Variants in ASMTL observed in about 807,000 individuals in gnomAD.
ASMTL encodes probable bifunctional dTTP/UTP pyrophosphatase/methyltransferase protein.
ASMTL carries 57 observed loss-of-function variants against 60.3 expected under a neutral mutation model. The ratio of observed to expected loss-of-function variants is 0.95; its 90% CI spans 0.76 to 1.18. The LOEUF (loss-of-function observed/expected upper bound fraction) is 1.18. Ranked by LOEUF, ASMTL falls within the 50% of genes most tolerant of loss-of-function variation. ASMTL has a pLI of 0.00. For missense variants in ASMTL, 981 were observed against 852.6 expected (o/e 1.15, Z -1.88); for synonymous variants, 419 against 373.0 (o/e 1.12, Z -1.42).
intron 12 of ASMTL, 91 bp from the exon 13 acceptor site, chrX:1,403,580 A>C (rs57705296): frequency 1.6e-6 from 2 of 1,220,980 alleles, no homozygotes; most frequent in African/African-American, 3.0e-5. Flanking sequence ...ACAGGAGCTC[A>C]GAACGGTGAG....
At chrX:1,450,561 C>A (rs764030671) in intron 1 of ASMTL, among the ~76,000 whole-genome samples, 19 of 135,322 alleles carry the variant, frequency 1.4e-4, no homozygotes, top group African/African-American at 5.3e-4. Context: ...CTGGGTCACT[C>A]TCCCCTCCCC....
chrX:1,448,831 G>A (rs778666948), intron 1 of ASMTL, among the ~76,000 whole-genome samples: 1 of 151,702 alleles, frequency 6.6e-6, no homozygotes, highest in Non-Finnish European at 1.5e-5. Context: ...TGCCATCTTG[G>A]ACATGCATGG....
chrX:1,412,610 G>A (rs1193905481), intron 12 of ASMTL, 122 bp downstream of exon 12: 64 of 1,340,690 alleles, frequency 4.8e-5, no homozygotes, highest in South Asian at 1.5e-4. Context: ...TGATCCGCCC[G>A]CCTCGGCCTC....
At chrX:1,453,737 G>T (rs1250831750), upstream of ASMTL, 2 of 150,310 alleles carry the variant, frequency 1.3e-5, no homozygotes, top group Non-Finnish European at 2.9e-5. Context: ...GGATGTCCTC[G>T]TGCCTGGTGG....
chrX:1,412,802 C>A lies in ASMTL; in HGVS notation c.1575G>T (p.Arg525=). 6.2e-7 allele frequency: 1 copy of A among 1,613,976 alleles called. No homozygotes were observed. The highest frequency in any genetic ancestry group is 8.5e-7 in the Non-Finnish European group (1 of 1,179,868). The change falls in exon 12 of 13, where the codon CGG becomes CGT. Residue 525 remains arginine, a synonymous_variant. Coordinates refer to ENST00000381317, the MANE Select transcript of ASMTL (RefSeq NM_004192.4). The part of the protein sequence containing the change: ...LPSAELYVLC[R]ILHDWPDDKV... ...TGTCGTCTGGCCAGTCATGCAGGAT[C>A]CGGCACAGGACGTACAGCTCAGCGC...
At chrX:1,429,749 A>C (rs1397401688) in intron 6 of ASMTL, among the ~76,000 whole-genome samples, 1 of 151,832 alleles carries the variant, frequency 6.6e-6, no homozygotes, top group Non-Finnish European at 1.5e-5. Context: ...GTGAGCCAAG[A>C]TCGCGCCACT....
chrX:1,432,057 CT>C (rs2090805901), intron 6 of ASMTL: 2 of 596,638 alleles, frequency 3.4e-6, no homozygotes, highest in Admixed American at 6.0e-5. Context: ...CACCCTGCCC[CT>C]CTCTGTCCTG....
chrX:1,425,575 C>T lies in ASMTL; in HGVS notation c.1010G>A (p.Arg337Lys). ...CATGGCAGCACAGATGTCCAGAAGC[C>T]TCTCCATTCCACACGCAGAGGCGTC... ...KVDASACGME[R>K]LLDICAAMGL... The change falls in exon 8 of 13, where the codon AGG becomes AAG. Residue 337 changes from arginine to lysine, a missense_variant. Physicochemically the swap from Arg to Lys is conservative, Grantham distance 26. Transcript: ENST00000381317. The T allele has an allele frequency of 6.2e-7, 1 of 1,613,740 alleles. No homozygotes were observed.
At chrX:1,404,280 A>G (rs1259519374) in intron 12 of ASMTL, among the ~76,000 whole-genome samples, 1 of 150,882 alleles carries the variant, frequency 6.6e-6, no homozygotes, top group Non-Finnish European at 1.5e-5. Context: ...GATGAGATGG[A>G]TGGATGGATG....
intron 1 of ASMTL, among the ~76,000 whole-genome samples, chrX:1,444,187 C>G (rs1434019517): frequency 4.7e-5 from 7 of 150,238 alleles, no homozygotes; most frequent in African/African-American, 1.7e-4. Flanking sequence ...TTCCAAAACC[C>G]TTTGCTGAGC....
rs371584895 is a variant in ASMTL, at chrX:1,425,598, G to A, written c.987C>T (p.Asp329=). Residue 329 remains aspartate (D), a synonymous_variant, in exon 8 of 13, where the codon GAC becomes GAT. Transcript: ENST00000381317. ...GCCTCTCCATTCCACACGCAGAGGC[G>A]TCCACTTTGCTGGCAATATCCGCAG... ...QKAADIASKV[D]ASACGMERLL... 85 of 1,613,782 alleles carry A rather than the reference G, an allele frequency of 5.3e-5. No homozygotes were observed. The Middle Eastern group carries it at 6.6e-4, about 13-fold the overall frequency.
chrX:1,446,983 C>G (rs2091242941), intron 1 of ASMTL, among the ~76,000 whole-genome samples: 1 of 152,170 alleles, frequency 6.6e-6, no homozygotes, highest in African/African-American at 2.4e-5. Context: ...GTTTTGCATT[C>G]TTTTCCTTTT....
At chrX:1,404,881 A>G (rs1370087141) in intron 12 of ASMTL, among the ~76,000 whole-genome samples, 2 of 151,306 alleles carry the variant, frequency 1.3e-5, no homozygotes, top group East Asian at 2.0e-4. Flanking sequence ...GATGAGATGG[A>G]TGGTTGGGTG....
intron 2 of ASMTL, among the ~76,000 whole-genome samples, chrX:1,439,897 G>A (rs754016781): frequency 3.0e-4 from 45 of 151,010 alleles, no homozygotes; most frequent in African/African-American, 9.9e-4. Context: ...TACTTAGGAC[G>A]ATAAAACAAA....
intron 3 of ASMTL, 125 bp downstream of exon 3, chrX:1,438,972 G>A: frequency 9.5e-7 from 1 of 1,057,112 alleles, no homozygotes; most frequent in South Asian, 1.4e-5. Context: ...GTTTGTGATG[G>A]GAGTTTCTGG....
chrX:1,450,434 CT>C (rs2091331895), intron 1 of ASMTL, among the ~76,000 whole-genome samples: 1 of 151,528 alleles, frequency 6.6e-6, no homozygotes, highest in African/African-American at 2.4e-5. Flanking sequence ...TCCCCCACCC[CT>C]AGGGGGTCCC....
chrX:1,443,009 C>A (rs1479142471), intron 1 of ASMTL, among the ~76,000 whole-genome samples: 8 of 152,166 alleles, frequency 5.3e-5, no homozygotes, highest in Admixed American at 1.3e-4. Context: ...TGGACACACA[C>A]CGCCATCTTG....
intron 1 of ASMTL, among the ~76,000 whole-genome samples, chrX:1,446,258 C>A (rs773608868): frequency 6.6e-4 from 100 of 152,248 alleles, no homozygotes; most frequent in African/African-American, 1.6e-3. Context: ...CGTGACCTTA[C>A]CTATCATTGG....
intron 9 of ASMTL, among the ~76,000 whole-genome samples, chrX:1,420,039 G>GTCTCTC (rs2090434532): frequency 3.1e-5 from 2 of 63,754 alleles, no homozygotes; most frequent in Non-Finnish European, 4.5e-5. Flanking sequence ...CTCTGTCTCT[G>GTCTCTC]TCTCTATGTC....
Sources: gnomAD v4.1 joint callset for allele counts (sites outside exome capture counted in the v4.1 genomes callset) on GRCh38, gnomAD v4.1.1 for gene constraint, MANE v1.5 for transcripts, NCBI Gene and HGNC (gene_info 2026-07-23, HGNC 2026-07-21) for gene names.